GNL1: variants seen among roughly 807,000 people sequenced by gnomAD.
GNL1 encodes guanine nucleotide-binding protein-like 1.
A neutral mutation model predicts 75.2 loss-of-function variants in GNL1; 21 were observed. That is an observed-to-expected ratio of 0.28 (90% CI 0.20 to 0.40). The LOEUF (loss-of-function observed/expected upper bound fraction) is 0.40. GNL1 is among the 10% of genes least tolerant of loss of function. The pLI is 1.00. For synonymous variants in GNL1, 287 were observed against 303.4 expected, an observed-to-expected ratio of 0.95 and a Z score of 0.56; for missense variants, 579 against 775.0, an observed-to-expected ratio of 0.75 and a Z score of 3.00.
chr6:30,552,587 C>T lies in GNL1; in HGVS notation c.979G>A (p.Glu327Lys). The change falls in exon 8 of 12, where the codon GAG becomes AAG. Residue 327 changes from glutamate to lysine, a missense_variant. Transcript: ENST00000376621. The surrounding 1 kb of genome is among the most constrained non-coding windows in gnomAD (Gnocchi z 4.5). ...GCTGGGCCATCCTCCTCTTCCTCCT[C>T]CTCCCCAGAGCCATTACCCCAGGTG... ...GATWGNGSGEEEEEEDGPAVL... is the reference protein window; with the variant it reads ...GATWGNGSGEKEEEEDGPAVL... 1 of 1,614,122 alleles carries T rather than the reference C, an allele frequency of 6.2e-7. No homozygotes were observed. The highest frequency in any genetic ancestry group is 8.5e-7 in the Non-Finnish European group (1 of 1,180,008).
Position 30,552,007 on chromosome 6 carries a change from C to A in GNL1, c.1099+460G>T, listed in dbSNP as rs1799811668. ...CCTCTGAAGTAGCAGAGACTACAGG[C>A]ACATACCACCACACTTGGCTAGTTT... On this transcript the variant is annotated intron_variant, in intron 8 of 11. Transcript: ENST00000376621. This position sits in a 1 kb window ranked among gnomAD's most constrained non-coding sequence, Gnocchi z 4.5. 6.6e-6 allele frequency among the ~76,000 whole-genome samples: 1 copy of A among 152,074 alleles called. No individual in the cohort carries two copies. Among genetic ancestry groups the A allele is most frequent in the Non-Finnish European group, 1.5e-5 (1 of 68,018 alleles).
In GNL1 at chr6:30,541,912, GC is replaced by G. The variant is rs910461704; in HGVS notation, c.*4159del. On this transcript the variant is annotated 3_prime_UTR_variant, in exon 12 of 12. Coordinates refer to ENST00000376621, the MANE Select transcript of GNL1 (RefSeq NM_005275.5). ...CCCTCACTGGGACTCTCAGTACCACGCCCACCTGTCCCCAAGGTTTGTTTCA... is the reference window on the plus strand; with the variant it reads ...CCCTCACTGGGACTCTCAGTACCACGCCACCTGTCCCCAAGGTTTGTTTCA... 2 of 152,108 alleles carry G rather than the reference GC, an allele frequency of 1.3e-5. No individual in the cohort carries two copies. The highest frequency in any genetic ancestry group is 4.8e-5 in the African/African-American group (2 of 41,392). The allele number at this position is 152,108 out of a possible 1,614,324, so 9.4% of individuals were successfully genotyped here.
At chr6:30,550,935 T>C (rs950577107) in intron 8 of GNL1, among the ~76,000 whole-genome samples, 2 of 152,080 alleles carry the variant, frequency 1.3e-5, no homozygotes, top group African/African-American at 4.8e-5. Context: ...CCTGAGCACC[T>C]CTCCTCTCAG....
In GNL1 at chr6:30,546,363, T is replaced by A. The variant is rs955268074; in HGVS notation, c.1583-50A>T. 1.7e-6 allele frequency: 2 copies of A among 1,178,906 alleles called. No individual in the cohort carries two copies. The highest frequency in any genetic ancestry group is 2.5e-6 in the Non-Finnish European group (2 of 812,738). 73.0% of individuals were successfully genotyped at this position (1,178,906 alleles called of 1,614,324 possible). ...ATGGAGGAGAGTTTTGAGCAAGAAC[T>A]AAAGCCAAGGAAAGATGGGGAAGAG... On this transcript the variant is annotated intron_variant, in intron 11 of 11. Transcript: ENST00000376621. This position sits in a 1 kb window ranked among gnomAD's most constrained non-coding sequence, Gnocchi z 5.1.
At position 30,543,281 on chromosome 6, in the gene GNL1, T is replaced by G. The variant is rs1280683211; in HGVS notation, c.*2791A>C. The G allele has an allele frequency of 6.6e-6, 1 of 152,160 alleles. No individual in the cohort carries two copies. Among genetic ancestry groups the G allele is most frequent in the East Asian group, 1.9e-4 (1 of 5,200 alleles). The allele number at this position is 152,160 out of a possible 1,614,324, so 9.4% of individuals were successfully genotyped here. On this transcript the variant is annotated 3_prime_UTR_variant, in exon 12 of 12. Transcript: ENST00000376621. ...CTCCTTCCTGATCAGTATCCCAATG[T>G]CCCTCCTATATGGAGCCACCACTAC...
Position 30,555,981 on chromosome 6 carries a change from G to A in GNL1, c.73+150C>T. 1.0e-6 allele frequency: 1 copy of A among 991,164 alleles called. No individual in the cohort carries two copies. Among genetic ancestry groups the A allele is most frequent in the Non-Finnish European group, 1.5e-6 (1 of 660,310 alleles). The allele number at this position is 991,164 out of a possible 1,614,324, so 61.4% of individuals were successfully genotyped here. A position where few individuals can be genotyped will look rare whatever the true frequency, so the allele number is the denominator to read the frequency against. Reference sequence around the variant, plus strand: ...TTCCCCACCCCTTCCAGATGTAGGGGGGGTGGGGGATCCCCTCCGCGATAG... The same window carrying A: ...TTCCCCACCCCTTCCAGATGTAGGGAGGGTGGGGGATCCCCTCCGCGATAG... On this transcript the variant is annotated intron_variant, in intron 1 of 11. Transcript: ENST00000376621. The surrounding 1 kb of genome is among the most constrained non-coding windows in gnomAD (Gnocchi z 4.3).
intron 5 of GNL1, 125 bp downstream of exon 5, chr6:30,554,442 GACATCAGC>G (rs1290541414): frequency 1.4e-6 from 1 of 709,562 alleles, no homozygotes; most frequent in Non-Finnish European, 2.6e-6. Flanking sequence ...CCTAACTGCG[GACATCAGC>G]ACTAGGTAGA....
chr6:30,556,021 C>T lies in GNL1; in HGVS notation c.73+110G>A. On this transcript the variant is annotated intron_variant, in intron 1 of 11. Coordinates refer to ENST00000376621, the MANE Select transcript of GNL1 (RefSeq NM_005275.5). The surrounding 1 kb of genome is among the most constrained non-coding windows in gnomAD (Gnocchi z 5.7). The stretch of plus-strand genomic sequence containing the variant: ...CTCCGCGATAGGCCGCGAGGGTTGA[C>T]GCGGTCCCACGACCCCCTCCCACGA... 2 of 1,335,312 alleles carry T rather than the reference C, an allele frequency of 1.5e-6. No individual in the cohort carries two copies. The highest frequency in any genetic ancestry group is 3.6e-4 in the Middle Eastern group (2 of 5,520). 82.7% of individuals were successfully genotyped at this position (1,335,312 alleles called of 1,614,324 possible). A position where few individuals can be genotyped will look rare whatever the true frequency, so the allele number is the denominator to read the frequency against.
intron 8 of GNL1, among the ~76,000 whole-genome samples, chr6:30,550,040 G>A (rs1799678378): frequency 6.6e-6 from 1 of 152,020 alleles, no homozygotes; most frequent in Non-Finnish European, 1.5e-5. Context: ...TGGCCAGGCT[G>A]GTCTCAAACT....
rs1006551535 is a variant in GNL1, at chr6:30,542,886, G to A, written c.*3186C>T. 1.3e-5 allele frequency: 2 copies of A among 152,168 alleles called. No homozygotes were observed. Among genetic ancestry groups the A allele is most frequent in the East Asian group, 1.9e-4 (1 of 5,186 alleles). The allele number at this position is 152,168 out of a possible 1,614,324, so 9.4% of individuals were successfully genotyped here. A position where few individuals can be genotyped will look rare whatever the true frequency, so the allele number is the denominator to read the frequency against. On this transcript the variant is annotated 3_prime_UTR_variant, in exon 12 of 12. Coordinates refer to ENST00000376621, the MANE Select transcript of GNL1 (RefSeq NM_005275.5). The surrounding 1 kb of genome is among the most constrained non-coding windows in gnomAD (Gnocchi z 4.5). The stretch of plus-strand genomic sequence containing the variant: ...TGGATACAGTCTAAATCTTTAACAC[G>A]GCTGAAAAGGCCCAGCAAGAGCTGG...
chr6:30,553,073 G>A lies in GNL1; in HGVS notation c.904+11C>T, dbSNP rs1195959458. ...ATGTCCTCCTACAGCCCTCCTCTAA[G>A]GGCCACATACCTTTCCCCACAGTGA... On this transcript the variant is annotated intron_variant, in intron 7 of 11. Coordinates refer to ENST00000376621, the MANE Select transcript of GNL1 (RefSeq NM_005275.5). The A allele has an allele frequency of 3.8e-6, 6 of 1,589,890 alleles. No homozygotes were observed. The highest frequency in any genetic ancestry group is 5.2e-6 in the Non-Finnish European group (6 of 1,159,028).
At position 30,549,101 on chromosome 6, in the gene GNL1, G is replaced by A. The variant is rs187917584; in HGVS notation, c.1100-1571C>T. On this transcript the variant is annotated intron_variant, in intron 8 of 11. Transcript: ENST00000376621. Reference sequence around the variant, plus strand: ...CAACCTCATCCTCCCAGGTTCAAGCGATTCTCGTGCCTCAACCTCCTGAGT... The same window carrying A: ...CAACCTCATCCTCCCAGGTTCAAGCAATTCTCGTGCCTCAACCTCCTGAGT... Among the ~76,000 whole-genome samples, 163 of 152,182 alleles carry A rather than the reference G, an allele frequency of 1.1e-3. 1 individual carries two copies. Among genetic ancestry groups the A allele is most frequent in the Admixed American group, 4.6e-3 (71 of 15,274 alleles).
In GNL1 at chr6:30,545,765, A is replaced by G; in HGVS notation, c.*307T>C. Reference sequence around the variant, plus strand: ...ATTTAGACCTCCCCTCCCCATGTAGATAACGGGATTCCTAAGGTGCAGAGT... The same window carrying G: ...ATTTAGACCTCCCCTCCCCATGTAGGTAACGGGATTCCTAAGGTGCAGAGT... On this transcript the variant is annotated 3_prime_UTR_variant, in exon 12 of 12. Transcript: ENST00000376621. 2.6e-6 allele frequency: 1 copy of G among 386,412 alleles called. No individual in the cohort carries two copies. The highest frequency in any genetic ancestry group is 4.6e-6 in the Non-Finnish European group (1 of 216,174). 23.9% of individuals were successfully genotyped at this position (386,412 alleles called of 1,614,324 possible).
In GNL1 at chr6:30,547,223, C is replaced by A. The variant is rs752757909; in HGVS notation, c.1330G>T (p.Val444Leu). The A allele has an allele frequency of 1.9e-6, 3 of 1,612,670 alleles. No individual in the cohort carries two copies. The highest frequency in any genetic ancestry group is 1.1e-5 in the South Asian group (1 of 90,998). Reference protein sequence around the residue: ...IAQIQEPYTAVGYLASRIPVQ... With the variant: ...IAQIQEPYTALGYLASRIPVQ... ...GGAATTCGGGAGGCCAGGTAGCCCA[C>A]AGCAGTGTAGGGCTCCTGGATCTGG... Residue 444 changes from valine to leucine, a missense_variant, in exon 10 of 12, where the codon GTG becomes TTG. Physicochemically the swap from Val to Leu is conservative, Grantham distance 32. Transcript: ENST00000376621. The surrounding 1 kb of genome is among the most constrained non-coding windows in gnomAD (Gnocchi z 5.5).
rs1799160530 is a variant in GNL1 at position 30,541,442 on chromosome 6, T to G, written c.*4630A>C. The G allele has an allele frequency of 6.6e-6, 1 of 152,180 alleles. No individual in the cohort carries two copies. Among genetic ancestry groups the G allele is most frequent in the African/African-American group, 2.4e-5 (1 of 41,450 alleles). 9.4% of individuals were successfully genotyped at this position (152,180 alleles called of 1,614,324 possible). The stretch of plus-strand genomic sequence containing the variant: ...TAAAAATTTTTGTATTTGTAAATAT[T>G]AAAACACTGAAACTTGCTACTGACA... On this transcript the variant is annotated 3_prime_UTR_variant, in exon 12 of 12. Transcript: ENST00000376621.
In GNL1 at chr6:30,546,824, T is replaced by C. The variant is rs774032663; in HGVS notation, c.1454A>G (p.Lys485Arg). The C allele has an allele frequency of 1.3e-6, 2 of 1,590,162 alleles. No homozygotes were observed. The highest frequency in any genetic ancestry group is 1.1e-5 in the South Asian group (1 of 90,034). The change falls in exon 11 of 12, where the codon AAA becomes AGA. Residue 485 changes from lysine (K) to arginine (R), a missense_variant. By Grantham distance (26) the Lys-to-Arg change is conservative. Transcript: ENST00000376621. This position sits in a 1 kb window ranked among gnomAD's most constrained non-coding sequence, Gnocchi z 5.1. ...AWDICEAWAE[K>R]RGYKTAKAAR... ...CGCCTTGGCTGTCTTGTAACCACGT[T>C]TCTCTGCCCAGGCTGGAGGAAGAAA...
Position 30,555,433 on chromosome 6 carries a change from GCTA to G in GNL1, c.239+119_239+121del. On this transcript the variant is annotated intron_variant, in intron 2 of 11. Transcript: ENST00000376621. This position sits in a 1 kb window ranked among gnomAD's most constrained non-coding sequence, Gnocchi z 4.3. ...GTGGCCCGCTGTGGGGAGCCGAGTGGCTAGCGGAGAACTGTGGCATCCCAGGCC... is the reference window on the plus strand; with the variant it reads ...GTGGCCCGCTGTGGGGAGCCGAGTGGGCGGAGAACTGTGGCATCCCAGGCC... The G allele has an allele frequency of 9.4e-7, 1 of 1,060,682 alleles. No individual in the cohort carries two copies. Among genetic ancestry groups the G allele is most frequent in the Non-Finnish European group, 1.4e-6 (1 of 722,306 alleles). The allele number at this position is 1,060,682 out of a possible 1,614,324, so 65.7% of individuals were successfully genotyped here.
At position 30,547,251 on chromosome 6, in the gene GNL1, G is replaced by A. The variant is rs200727240; in HGVS notation, c.1302C>T (p.Ile434=). 3.2e-4 allele frequency: 517 copies of A among 1,605,500 alleles called. 6 individuals carry two copies. The South Asian group carries it at 4.7e-3, about 15-fold the overall frequency. The part of the protein sequence containing the change: ...QLQVLAGIYP[I]AQIQEPYTAV... Reference sequence around the variant, plus strand: ...CAGTGTAGGGCTCCTGGATCTGGGCGATAGGGTAGATCCCTGCCAGAACCT... The same window carrying A: ...CAGTGTAGGGCTCCTGGATCTGGGCAATAGGGTAGATCCCTGCCAGAACCT... The change falls in exon 10 of 12, where the codon ATC becomes ATT. Residue 434 remains isoleucine (I), a synonymous_variant. Transcript: ENST00000376621. The surrounding 1 kb of genome is among the most constrained non-coding windows in gnomAD (Gnocchi z 5.5).
Position 30,547,573 on chromosome 6 carries a change from C to CT in GNL1, c.1100-44dup, listed in dbSNP as rs932818886. 3 of 1,537,684 alleles carry CT rather than the reference C, an allele frequency of 2.0e-6. No individual in the cohort carries two copies. Among genetic ancestry groups the CT allele is most frequent in the Non-Finnish European group, 9.0e-7 (1 of 1,111,996 alleles). The stretch of plus-strand genomic sequence containing the variant: ...AATTAACGTTTAACAGGTTTCTACT[C>CT]TGTGATGGGACTTGGTGCTATACCT... On this transcript the variant is annotated intron_variant, in intron 8 of 11. Transcript: ENST00000376621. This position sits in a 1 kb window ranked among gnomAD's most constrained non-coding sequence, Gnocchi z 5.5.
Sources: allele counts gnomAD v4.1 joint callset (sites outside exome capture counted in the v4.1 genomes callset), GRCh38; gene constraint gnomAD v4.1.1; non-coding constraint Gnocchi (gnomAD v3.1); transcripts MANE v1.5; gene names NCBI Gene and HGNC (gene_info 2026-07-23, HGNC 2026-07-21).